The following BMPR1A variants were observed in gnomAD, a reference collection of about 807,000 sequenced individuals.
The protein encoded by BMPR1A is bone morphogenetic protein receptor type-1A.
Under a neutral mutation model 66.0 loss-of-function variants are expected in BMPR1A, and 7 were observed. The observed-to-expected ratio is 0.11, with a 90% CI of 0.06 to 0.20. The LOEUF is 0.20. Ranked by LOEUF, BMPR1A falls within the 10% of genes least tolerant of loss-of-function variation. BMPR1A has a pLI of 1.00. For synonymous variants in BMPR1A, 200 were observed against 229.7 expected (o/e 0.87, Z 1.17); for missense variants, 408 against 669.1 (o/e 0.61, Z 4.31).
intron 1 of BMPR1A, among the ~76,000 whole-genome samples, chr10:86,800,395 TTTTG>T: frequency 6.6e-6 from 1 of 152,238 alleles, no homozygotes; most frequent in Middle Eastern, 3.4e-3. Flanking sequence ...CCATTTTTGT[TTTTG>T]TTTTTGTTTT....
chr10:86,770,857 A>G (rs1237980515), intron 1 of BMPR1A, among the ~76,000 whole-genome samples: 1 of 152,174 alleles, frequency 6.6e-6, no homozygotes, highest in Non-Finnish European at 1.5e-5. Context: ...TTGTGTTTGT[A>G]CCGATTTCAG....
chr10:86,901,835 C>T (rs1193363967), intron 7 of BMPR1A, among the ~76,000 whole-genome samples: 1 of 151,930 alleles, frequency 6.6e-6, no homozygotes, highest in East Asian at 1.9e-4. Context: ...TTCTTTATTA[C>T]ACAAGGGCAC....
intron 3 of BMPR1A, among the ~76,000 whole-genome samples, chr10:86,877,886 C>T (rs775853583): frequency 6.6e-6 from 1 of 152,150 alleles, no homozygotes; most frequent in Non-Finnish European, 1.5e-5. Context: ...GTCTTCGCCC[C>T]AGTTCACATT....
intron 1 of BMPR1A, among the ~76,000 whole-genome samples, chr10:86,784,759 A>G (rs148165343): frequency 1.3e-5 from 2 of 152,154 alleles, no homozygotes; most frequent in East Asian, 1.9e-4. Flanking sequence ...CTAATAATTC[A>G]TCCATTTCTT....
chr10:86,798,916 G>A (rs1214198843), intron 1 of BMPR1A, among the ~76,000 whole-genome samples: 10 of 152,164 alleles, frequency 6.6e-5, no homozygotes, highest in Admixed American at 6.5e-4. Flanking sequence ...AGTCAGTGGT[G>A]TTCCTTTAGT....
At chr10:86,853,819 G>A (rs964122918) in intron 2 of BMPR1A, among the ~76,000 whole-genome samples, 5 of 152,152 alleles carry the variant, frequency 3.3e-5, no homozygotes, top group African/African-American at 1.2e-4. Flanking sequence ...AATATCACAA[G>A]GCAAATGGAG....
rs1340373761 is a variant in BMPR1A at position 86,866,415 on chromosome 10, T to C, written c.-152-9452T>C. Among the ~76,000 whole-genome samples the C allele has an allele frequency of 1.4e-3, 189 of 132,310 alleles. 6 individuals are homozygous for C. The highest frequency in any genetic ancestry group is 5.2e-3 in the African/African-American group (176 of 33,818). 86.8% of individuals were successfully genotyped at this position (132,310 alleles called of 152,430 possible). On this transcript the variant is annotated intron_variant, in intron 2 of 12. Transcript: ENST00000372037. The stretch of plus-strand genomic sequence containing the variant: ...AGTTTCTTTCTTTTTTTTTTTTTTT[T>C]TTTTTTTTTTTGAGATGGAGTCTCG...
intron 1 of BMPR1A, among the ~76,000 whole-genome samples, chr10:86,791,665 T>C (rs935230816): frequency 1.4e-4 from 18 of 128,192 alleles, no homozygotes; most frequent in Admixed American, 5.5e-4. Flanking sequence ...TCCAGTAATT[T>C]TTCTTTCCTT....
intron 1 of BMPR1A, among the ~76,000 whole-genome samples, chr10:86,785,077 C>A (rs896608175): frequency 2.8e-4 from 43 of 152,090 alleles, no homozygotes; most frequent in African/African-American, 1.0e-3. Flanking sequence ...CTTGTGATTT[C>A]TTCTTTGAGT....
At chr10:86,831,013 A>G (rs1035031987) in intron 1 of BMPR1A, among the ~76,000 whole-genome samples, 2 of 152,150 alleles carry the variant, frequency 1.3e-5, no homozygotes, top group Non-Finnish European at 2.9e-5. Flanking sequence ...CTTAGCATAT[A>G]TTCAGGCCTC....
intron 1 of BMPR1A, among the ~76,000 whole-genome samples, chr10:86,776,474 A>G (rs973940315): frequency 1.3e-5 from 2 of 152,204 alleles, no homozygotes; most frequent in Admixed American, 6.5e-5. Context: ...TTGTGAGGCC[A>G]TGGGCTTCTG....
chr10:86,762,723 G>T (rs1841088198), intron 1 of BMPR1A, among the ~76,000 whole-genome samples: 1 of 152,042 alleles, frequency 6.6e-6, no homozygotes, highest in Non-Finnish European at 1.5e-5. Flanking sequence ...TTATCTAGTT[G>T]TAGTTATGTT....
chr10:86,841,703 G>C (rs985807262), intron 2 of BMPR1A, among the ~76,000 whole-genome samples: 5 of 152,192 alleles, frequency 3.3e-5, no homozygotes, highest in African/African-American at 1.2e-4. Context: ...CCCCTAGGTA[G>C]CTTTAGGATG....
At chr10:86,871,802 CA>C (rs35659562) in intron 2 of BMPR1A, among the ~76,000 whole-genome samples, 33,271 of 123,682 alleles carry the variant, frequency 0.27, 4,211 homozygotes, top group East Asian at 0.67. Context: ...ACTCTGCCTC[CA>C]AAAAAAAAAA....
At position 86,919,373 on chromosome 10, in the gene BMPR1A, C is replaced by T. The variant is rs2133592812; in HGVS notation, c.1070C>T (p.Ala357Val). 6.2e-7 allele frequency: 1 copy of T among 1,613,116 alleles called. No individual in the cohort carries two copies. The highest frequency in any genetic ancestry group is 1.7e-5 in the Admixed American group (1 of 60,014). The change falls in exon 10 of 13, where the codon GCA (alanine) becomes GTA (valine). Residue 357 changes from alanine (A) to valine (V), a missense_variant. By Grantham distance (64) the Ala-to-Val change is moderately conservative. Coordinates refer to ENST00000372037, the MANE Select transcript of BMPR1A (RefSeq NM_004329.3). ...TEIYGTQGKPAIAHRDLKSKN... is the reference protein window; with the variant it reads ...TEIYGTQGKPVIAHRDLKSKN... ...ATTTATGGCACCCAAGGAAAGCCCG[C>T]AATTGCTCATCGAGACCTAAAGAGC...
chr10:86,865,332 A>G (rs1327111436), intron 2 of BMPR1A, among the ~76,000 whole-genome samples: 2 of 152,106 alleles, frequency 1.3e-5, no homozygotes, highest in African/African-American at 4.8e-5. Context: ...AAGTGATGAC[A>G]TTACCTTGTG....
At chr10:86,769,006 T>C (rs1841209350) in intron 1 of BMPR1A, among the ~76,000 whole-genome samples, 1 of 152,232 alleles carries the variant, frequency 6.6e-6, no homozygotes, top group Non-Finnish European at 1.5e-5. Context: ...AGTTCTATCT[T>C]AAAATGCAGG....
chr10:86,841,005 T>G (rs568917213), intron 2 of BMPR1A, among the ~76,000 whole-genome samples: 35 of 152,356 alleles, frequency 2.3e-4, no homozygotes, highest in African/African-American at 8.4e-4. Flanking sequence ...CCAGCTTAAA[T>G]TATCTTAAGA....
At chr10:86,896,993 C>G (rs1336728411) in intron 5 of BMPR1A, among the ~76,000 whole-genome samples, 3 of 152,204 alleles carry the variant, frequency 2.0e-5, no homozygotes, top group African/African-American at 4.8e-5. Context: ...CCATGTGTGG[C>G]ACAGAACAGA....
Sources: allele counts gnomAD v4.1 joint callset (sites outside exome capture counted in the v4.1 genomes callset), GRCh38; gene constraint gnomAD v4.1.1; transcripts MANE v1.5; gene names NCBI Gene and HGNC (gene_info 2026-07-23, HGNC 2026-07-21).